PCDHGA10: variants seen among roughly 807,000 people sequenced by gnomAD.
The protein encoded by PCDHGA10 is protocadherin gamma subfamily A, 10.
In PCDHGA10, 42 loss-of-function variants were observed where a neutral mutation model predicts 59.5. The ratio of observed to expected loss-of-function variants is 0.71; its 90% CI spans 0.55 to 0.91. The LOEUF is 0.91. Ranked by LOEUF, PCDHGA10 falls within the 40% of genes least tolerant of loss-of-function variation. The pLI, the probability that PCDHGA10 is intolerant of heterozygous loss-of-function variation, is 0.00. For missense variants in PCDHGA10, 1,111 were observed against 1,198.2 expected, an observed-to-expected ratio of 0.93 and a Z score of 1.07; for synonymous variants, 511 against 517.2, an observed-to-expected ratio of 0.99 and a Z score of 0.16.
chr5:141,420,496 G>T, intron 1 of PCDHGA10: 1 of 495,924 alleles, frequency 2.0e-6, no homozygotes, highest in Non-Finnish European at 3.1e-6. Context: ...GTAATCTCCG[G>T]TGACATTTTT....
At chr5:141,499,019 AG>A (rs2099788634) in intron 2 of PCDHGA10, among the ~76,000 whole-genome samples, 3 of 150,840 alleles carry the variant, frequency 2.0e-5, no homozygotes, top group Non-Finnish European at 3.0e-5. Context: ...GAAGGAAGGA[AG>A]GAAGGAAGAA....
At position 141,486,370 on chromosome 5, in the gene PCDHGA10, T is replaced by C. The variant is rs755925357; in HGVS notation, c.2437-8437T>C. Reference sequence around the variant, plus strand: ...ACCACTTGCCATTTGCCCTCAAGTCTGCCTTCAGGAACCAGTTCTCCCTGG... The same window carrying C: ...ACCACTTGCCATTTGCCCTCAAGTCCGCCTTCAGGAACCAGTTCTCCCTGG... On this transcript the variant is annotated intron_variant, in intron 1 of 3. Coordinates refer to ENST00000398610, the MANE Select transcript of PCDHGA10 (RefSeq NM_018913.3). The surrounding 1 kb of genome is among the most constrained non-coding windows in gnomAD (Gnocchi z 5.0). 8 of 1,613,988 alleles carry C rather than the reference T, an allele frequency of 5.0e-6. No individual in the cohort carries two copies. The Admixed American group carries it at 1.3e-4, about 27-fold the overall frequency.
chr5:141,420,252 C>G (rs745697672), intron 1 of PCDHGA10: 2 of 1,576,604 alleles, frequency 1.3e-6, no homozygotes, highest in Non-Finnish European at 1.7e-6. Flanking sequence ...AGCGTTGAAG[C>G]AGATAAGAAG....
chr5:141,490,419 G>T lies in PCDHGA10; in HGVS notation c.2437-4388G>T, dbSNP rs1424302713. ...TGAGCCTTGATATCTCTCCGGACCT[G>T]CCATTTCAGATTAAGCCTTCTGAGA... is the stretch of plus-strand genomic sequence containing the variant. On this transcript the variant is annotated intron_variant, in intron 1 of 3. Transcript: ENST00000398610. The surrounding 1 kb of genome is among the most constrained non-coding windows in gnomAD (Gnocchi z 5.4). The T allele has an allele frequency of 6.2e-7, 1 of 1,614,170 alleles. No homozygotes were observed. The highest frequency in any genetic ancestry group is 8.5e-7 in the Non-Finnish European group (1 of 1,180,020).
At position 141,413,324 on chromosome 5, in the gene PCDHGA10, G is replaced by A; in HGVS notation, c.149G>A (p.Gly50Asp). Residue 50 changes from glycine to aspartate, a missense_variant, in exon 1 of 4, where the codon GGC (glycine) becomes GAC (aspartate). Coordinates refer to ENST00000398610, the MANE Select transcript of PCDHGA10 (RefSeq NM_018913.3). Reference protein sequence around the residue: ...PEELEKGSFVGNISKDLGLAP... With the variant: ...PEELEKGSFVDNISKDLGLAP... ...GAATTAGAGAAAGGCTCTTTCGTGG[G>A]CAACATCTCCAAGGACTTGGGTCTG... 1 of 1,613,968 alleles carries A rather than the reference G, an allele frequency of 6.2e-7. No homozygotes were observed. The highest frequency in any genetic ancestry group is 1.1e-5 in the South Asian group (1 of 91,090).
At position 141,477,498 on chromosome 5, in the gene PCDHGA10, C is replaced by T. The variant is rs754212608; in HGVS notation, c.2437-17309C>T. ...AACCCTCCACAATCTTCTCAATCTT[C>T]CTACGACGTTTACATTGAAGAAAAC... On this transcript the variant is annotated intron_variant, in intron 1 of 3. Coordinates refer to ENST00000398610, the MANE Select transcript of PCDHGA10 (RefSeq NM_018913.3). The surrounding 1 kb of genome is among the most constrained non-coding windows in gnomAD (Gnocchi z 4.9). 3.7e-6 allele frequency: 6 copies of T among 1,614,038 alleles called. No individual in the cohort carries two copies. The highest frequency in any genetic ancestry group is 5.1e-6 in the Non-Finnish European group (6 of 1,180,038).
In PCDHGA10 at chr5:141,485,589, A is replaced by G. The variant is rs1407992185; in HGVS notation, c.2437-9218A>G. 6.2e-7 allele frequency: 1 copy of G among 1,612,610 alleles called. No homozygotes were observed. Among genetic ancestry groups the G allele is most frequent in the Non-Finnish European group, 8.5e-7 (1 of 1,178,834 alleles). On this transcript the variant is annotated intron_variant, in intron 1 of 3. Coordinates refer to ENST00000398610, the MANE Select transcript of PCDHGA10 (RefSeq NM_018913.3). The surrounding 1 kb of genome is among the most constrained non-coding windows in gnomAD (Gnocchi z 5.7). Reference sequence around the variant, plus strand: ...CCCCGTTTTCCGCGGCAGCAGCTGGACTTGGAAATTGGGGAGGCAGCTCCT... The same window carrying G: ...CCCCGTTTTCCGCGGCAGCAGCTGGGCTTGGAAATTGGGGAGGCAGCTCCT...
chr5:141,425,834 C>A (rs925446924), intron 1 of PCDHGA10, among the ~76,000 whole-genome samples: 1 of 152,220 alleles, frequency 6.6e-6, no homozygotes, highest in Non-Finnish European at 1.5e-5. Context: ...CTTTTAAATT[C>A]TCTTTGCTGG....
intron 1 of PCDHGA10, among the ~76,000 whole-genome samples, chr5:141,464,397 C>T (rs1352852782): frequency 1.3e-5 from 2 of 150,158 alleles, no homozygotes; most frequent in Non-Finnish European, 3.0e-5. Context: ...TAATGAAGAA[C>T]CTGAGATATA....
At chr5:141,497,768 G>A (rs920949258) in intron 2 of PCDHGA10, among the ~76,000 whole-genome samples, 8 of 152,070 alleles carry the variant, frequency 5.3e-5, no homozygotes, top group East Asian at 1.9e-4. Flanking sequence ...CAAACTCCCC[G>A]ACCTCAACTG....
rs2095665360 is a variant in PCDHGA10 at position 141,413,671 on chromosome 5, G to A, written c.496G>A (p.Val166Met). The A allele has an allele frequency of 8.1e-6, 13 of 1,613,878 alleles. No individual in the cohort carries two copies. The highest frequency in any genetic ancestry group is 9.3e-6 in the Non-Finnish European group (11 of 1,179,906). Residue 166 changes from valine to methionine, a missense_variant, in exon 1 of 4, where the codon GTG becomes ATG. Val to Met is a conservative substitution (Grantham distance 21). Coordinates refer to ENST00000398610, the MANE Select transcript of PCDHGA10 (RefSeq NM_018913.3). ...FPLPEAIDPD[V>M]GVNSLQSYQL... ...TCTCCCGGAAGCTATTGATCCGGATGTGGGCGTGAACTCCCTGCAGAGCTA... is the reference window on the plus strand; with the variant it reads ...TCTCCCGGAAGCTATTGATCCGGATATGGGCGTGAACTCCCTGCAGAGCTA...
At position 141,432,275 on chromosome 5, in the gene PCDHGA10, T is replaced by C. The variant is rs775413198; in HGVS notation, c.2436+16664T>C. 2 of 1,614,232 alleles carry C rather than the reference T, an allele frequency of 1.2e-6. No homozygotes were observed. Among genetic ancestry groups the C allele is most frequent in the South Asian group, 2.2e-5 (2 of 91,086 alleles). On this transcript the variant is annotated intron_variant, in intron 1 of 3. Coordinates refer to ENST00000398610, the MANE Select transcript of PCDHGA10 (RefSeq NM_018913.3). This position sits in a 1 kb window ranked among gnomAD's most constrained non-coding sequence, Gnocchi z 6.0. ...AGGGGCAAGCCTATCGTCCTACGTG[T>C]CCATCAACTCCGACACTGGGGTACT... is the stretch of plus-strand genomic sequence containing the variant.
At chr5:141,469,314 C>A (rs982242861) in intron 1 of PCDHGA10, among the ~76,000 whole-genome samples, 1 of 151,982 alleles carries the variant, frequency 6.6e-6, no homozygotes, top group Non-Finnish European at 1.5e-5. Flanking sequence ...CGATGGCTCA[C>A]GCCTGTAATC....
At chr5:141,460,882 C>G (rs2098999926) in intron 1 of PCDHGA10, among the ~76,000 whole-genome samples, 1 of 149,600 alleles carries the variant, frequency 6.7e-6, no homozygotes, top group Non-Finnish European at 1.5e-5. Context: ...TTATTTCATG[C>G]CTTTTCGTGG....
At chr5:141,480,240 C>CA (rs11374694) in intron 1 of PCDHGA10, among the ~76,000 whole-genome samples, 21,591 of 113,808 alleles carry the variant, frequency 0.19, 1,578 homozygotes, top group Admixed American at 0.21. Context: ...CCTGTCTCTA[C>CA]AAAAAAAAAA....
rs768635851 is a variant in PCDHGA10 at position 141,489,334 on chromosome 5, C to G, written c.2437-5473C>G. 2 of 1,606,614 alleles carry G rather than the reference C, an allele frequency of 1.2e-6. No individual in the cohort carries two copies. Among genetic ancestry groups the G allele is most frequent in the Non-Finnish European group, 1.7e-6 (2 of 1,175,584 alleles). On this transcript the variant is annotated intron_variant, in intron 1 of 3. Coordinates refer to ENST00000398610, the MANE Select transcript of PCDHGA10 (RefSeq NM_018913.3). The surrounding 1 kb of genome is among the most constrained non-coding windows in gnomAD (Gnocchi z 4.5). Reference sequence around the variant, plus strand: ...CTGGGGCTGGGTGTCTGGGCAGCTTCGTTACTCAGTGGTGGAGGAGTCTGA... The same window carrying G: ...CTGGGGCTGGGTGTCTGGGCAGCTTGGTTACTCAGTGGTGGAGGAGTCTGA...
chr5:141,464,640 C>T (rs1482089475), intron 1 of PCDHGA10, among the ~76,000 whole-genome samples: 2 of 151,952 alleles, frequency 1.3e-5, no homozygotes, highest in Admixed American at 6.6e-5. Context: ...TTGTTGCCAA[C>T]CTGATGGGTA....
intron 1 of PCDHGA10, chr5:141,430,826 C>A: frequency 6.4e-7 from 1 of 1,550,416 alleles, no homozygotes; most frequent in Non-Finnish European, 8.7e-7. Flanking sequence ...CCTGGGGACT[C>A]TGTGGGAGAC....
intron 1 of PCDHGA10, among the ~76,000 whole-genome samples, chr5:141,455,890 T>G (rs1055285369): frequency 1.3e-5 from 2 of 149,264 alleles, no homozygotes; most frequent in African/African-American, 2.4e-5. Flanking sequence ...TTTATTTATT[T>G]ATTTATTTAT....
Sources: allele counts gnomAD v4.1 joint callset (sites outside exome capture counted in the v4.1 genomes callset), GRCh38; gene constraint gnomAD v4.1.1; non-coding constraint Gnocchi (gnomAD v3.1); transcripts MANE v1.5; gene names NCBI Gene and HGNC (gene_info 2026-07-23, HGNC 2026-07-21).